The following ITGAE variants were observed in gnomAD, a reference collection of about 807,000 sequenced individuals.
ITGAE encodes integrin subunit alpha E, also known as integrin alpha-E.
ITGAE carries 99 observed loss-of-function variants against 136.5 expected under a neutral mutation model. The ratio of observed to expected loss-of-function variants is 0.73; its 90% confidence interval spans 0.62 to 0.86. The LOEUF (loss-of-function observed/expected upper bound fraction) is 0.86. Among genes scored for constraint, ITGAE ranks in the 40% least tolerant of loss-of-function variants. The pLI is 0.00. For synonymous variants in ITGAE, 613 were observed against 591.8 expected (o/e 1.04, Z -0.52); for missense variants, 1,447 against 1,515.3 (o/e 0.95, Z 0.75).
intron 2 of ITGAE, among the ~76,000 whole-genome samples, chr17:3,771,226 A>C (rs74400548): frequency 0.031 from 4,702 of 152,272 alleles, 248 homozygotes; most frequent in African/African-American, 0.1. Flanking sequence ...AACCAGAAGA[A>C]GTACCGCCTG....
At chr17:3,723,871 G>C in intron 26 of ITGAE, 127 bp from the exon 27 acceptor site, 1 of 1,518,098 alleles carries the variant, frequency 6.6e-7, no homozygotes, top group Admixed American at 2.2e-5. Context: ...GCGGCAGGCG[G>C]GCGCGTCCGC....
Position 3,751,874 on chromosome 17 carries a change from C to T in ITGAE, c.1669G>A (p.Asp557Asn). 1 of 1,613,206 alleles carries T rather than the reference C, an allele frequency of 6.2e-7. No individual in the cohort carries two copies. Among genetic ancestry groups the T allele is most frequent in the Non-Finnish European group, 8.5e-7 (1 of 1,179,250 alleles). Residue 557 changes from aspartate (D) to asparagine (N), a missense_variant and splice_region_variant, in exon 15 of 31, where the codon GAT (aspartate) becomes AAT (asparagine). By Grantham distance (23) the Asp-to-Asn change is conservative (BLOSUM62 1). This residue lies in a region of ITGAE where 1,031 missense variants were observed against 1,011.4 expected (regional missense o/e 1.02). Coordinates refer to ENST00000263087, the MANE Select transcript of ITGAE (RefSeq NM_002208.5). ...RVYVYRLSEQ[D>N]GSFSLARILS... ...ATGCGTGCCAAGGAGAAAGAACCAT[C>T]CTGTAAAGCAAACAAACAGCTCAGC...
At position 3,720,313 on chromosome 17, in the gene ITGAE, T is replaced by A; in HGVS notation, c.3327A>T (p.Arg1109Ser). The change falls in exon 29 of 31, where the codon AGA becomes AGT. Residue 1109 changes from arginine to serine, a missense_variant. Coordinates refer to ENST00000263087, the MANE Select transcript of ITGAE (RefSeq NM_002208.5). Reference protein sequence around the residue: ...LYEGLNAENHRTKITVVFLKD... With the variant: ...LYEGLNAENHSTKITVVFLKD... Reference sequence around the variant, plus strand: ...GAAGCCAGCCAGGAATTACCTTAGTTCTGTGGTTCTCTGCATTCAGTCCCT... The same window carrying A: ...GAAGCCAGCCAGGAATTACCTTAGTACTGTGGTTCTCTGCATTCAGTCCCT... The A allele has an allele frequency of 6.5e-7, 1 of 1,540,036 alleles. No individual in the cohort carries two copies. The highest frequency in any genetic ancestry group is 1.7e-5 in the Admixed American group (1 of 59,804).
At chr17:3,725,625 T>C in intron 26 of ITGAE, 2 of 1,612,786 alleles carry the variant, frequency 1.2e-6, no homozygotes, top group South Asian at 1.1e-5. Context: ...CTCAGTGCAC[T>C]GTGTCCAGGG....
chr17:3,759,293 G>A (rs2052107289), intron 8 of ITGAE, 109 bp downstream of exon 8: 7 of 1,274,624 alleles, frequency 5.5e-6, no homozygotes, highest in Non-Finnish European at 7.7e-6. Flanking sequence ...GGGAAAGGCT[G>A]GAGCCCTAAT....
chr17:3,779,334 T>A (rs749917020), intron 1 of ITGAE, among the ~76,000 whole-genome samples: 1 of 11,334 alleles, frequency 8.8e-5, no homozygotes, highest in Non-Finnish European at 2.9e-4. Flanking sequence ...TATTAATTTC[T>A]TTTTTTTTTT....
Position 3,764,063 on chromosome 17 carries a change from T to A in ITGAE, c.156-103A>T, listed in dbSNP as rs2052236570. ...ATTCCAGTTGCCTGCACTCACAAGC[T>A]CCCTGTCTGGCCGGCAGATTCCTAG... On this transcript the variant is annotated intron_variant, in intron 2 of 30. Coordinates refer to ENST00000263087, the MANE Select transcript of ITGAE (RefSeq NM_002208.5). The A allele has an allele frequency of 3.8e-5, 29 of 764,250 alleles. No individual in the cohort carries two copies. In the South Asian group the frequency reaches 4.9e-4, roughly 13 times the overall value. The allele number at this position is 764,250 out of a possible 1,614,324, so 47.3% of individuals were successfully genotyped here.
At chr17:3,726,662 C>CT (rs1191958576) in intron 26 of ITGAE, 8 of 224,404 alleles carry the variant, frequency 3.6e-5, no homozygotes, top group Non-Finnish European at 6.0e-5. Flanking sequence ...ACCCCTGTCT[C>CT]TATTTTTTTA....
intron 17 of ITGAE, among the ~76,000 whole-genome samples, chr17:3,746,679 C>T (rs1205773753): frequency 3.9e-5 from 6 of 152,040 alleles, no homozygotes; most frequent in East Asian, 3.9e-4. Context: ...AGGATGGTCT[C>T]GATCTCCTGA....
chr17:3,731,075 G>A, intron 23 of ITGAE, 29 bp downstream of exon 23: 1 of 1,573,062 alleles, frequency 6.4e-7, no homozygotes, highest in South Asian at 1.1e-5. Flanking sequence ...GTCATAGCCT[G>A]ACTCTGCTGT....
chr17:3,775,830 G>A (rs1411212785), intron 2 of ITGAE, among the ~76,000 whole-genome samples: 3 of 152,052 alleles, frequency 2.0e-5, no homozygotes, highest in Non-Finnish European at 4.4e-5. Context: ...GAGTGGAAGT[G>A]TCAGAGGCCA....
rs1239947449 is a variant in ITGAE at position 3,743,496 on chromosome 17, A to T, written c.2441T>A (p.Ile814Asn). 4 of 1,593,772 alleles carry T rather than the reference A, an allele frequency of 2.5e-6. No individual in the cohort carries two copies. In the African/African-American group the frequency reaches 4.1e-5, roughly 16 times the overall value. Residue 814 changes from isoleucine (I) to asparagine (N), a missense_variant, in exon 19 of 31, where the codon ATC (isoleucine) becomes AAC (asparagine). Around this residue, in one of 3 missense-constraint regions of ITGAE, gnomAD observed 1,031 missense variants for 1,011.4 expected, o/e 1.02. Coordinates refer to ENST00000263087, the MANE Select transcript of ITGAE (RefSeq NM_002208.5). ...GGCTGTGGGTAGAGTCACCTGGAAG[A>T]TGGCAAAGGGCTCAGTGTAGCGGTC... ...ILDRYTEPFA[I>N]FQLPYEKACK...
At position 3,755,217 on chromosome 17, in the gene ITGAE, T is replaced by A; in HGVS notation, c.1284A>T (p.Gly428=). 17 of 1,565,926 alleles carry A rather than the reference T, an allele frequency of 1.1e-5. No homozygotes were observed. The highest frequency in any genetic ancestry group is 1.5e-5 in the Non-Finnish European group (17 of 1,159,818). ...TGCGTGTGTCGTAGAGCAACGCCCCTCCGGACCAGTCAAAGGCCCCGACGG... is the reference window on the plus strand; with the variant it reads ...TGCGTGTGTCGTAGAGCAACGCCCCACCGGACCAGTCAAAGGCCCCGACGG... ...LGAVGAFDWS[G]GALLYDTRSR... Residue 428 remains glycine, a synonymous_variant, in exon 12 of 31, where the codon GGA becomes GGT. Transcript: ENST00000263087.
chr17:3,789,897 A>G (rs1179009573), intron 1 of ITGAE, among the ~76,000 whole-genome samples: 2 of 152,250 alleles, frequency 1.3e-5, no homozygotes, highest in Admixed American at 1.3e-4. Flanking sequence ...TGTAGGAAGA[A>G]TAATAGAACC....
At chr17:3,724,587 C>T (rs2051161074) in intron 26 of ITGAE, 1 of 1,614,242 alleles carries the variant, frequency 6.2e-7, no homozygotes, top group Non-Finnish European at 8.5e-7. Flanking sequence ...AGCATCTCTC[C>T]CCTGCTCCCA....
chr17:3,721,157 G>A (rs2051041461), intron 28 of ITGAE, among the ~76,000 whole-genome samples: 1 of 151,556 alleles, frequency 6.6e-6, no homozygotes, highest in African/African-American at 2.4e-5. Context: ...TCAAACTCCT[G>A]GGCTCAAGCA....
chr17:3,791,645 G>T (rs527433570), intron 1 of ITGAE, among the ~76,000 whole-genome samples: 1 of 152,202 alleles, frequency 6.6e-6, no homozygotes, highest in South Asian at 2.1e-4. Flanking sequence ...ACGATGTTTG[G>T]GGTTTAAAAT....
At chr17:3,725,339 T>G in intron 26 of ITGAE, 2 of 1,614,224 alleles carry the variant, frequency 1.2e-6, no homozygotes, top group Non-Finnish European at 8.5e-7. Context: ...GGGAATGCAG[T>G]CAGAAGGGTC....
chr17:3,723,835 T>C, intron 26 of ITGAE, 91 bp from the exon 27 acceptor site: 2 of 1,546,306 alleles, frequency 1.3e-6, no homozygotes, highest in Admixed American at 2.0e-5. Context: ...GAGGTGCGCA[T>C]GCGCAGGGCC....
Sources: gnomAD v4.1 joint callset for allele counts (sites outside exome capture counted in the v4.1 genomes callset) on GRCh38, gnomAD v4.1.1 for gene constraint, gnomAD v4.1.1 regional missense constraint, MANE v1.5 for transcripts, NCBI Gene and HGNC (gene_info 2026-07-23, HGNC 2026-07-21) for gene names.